ZNF48: variants seen among roughly 807,000 people sequenced by gnomAD.
ZNF48 encodes zinc finger protein 553.
Under a neutral mutation model 40.0 loss-of-function variants are expected in ZNF48, and 20 were observed. The observed-to-expected ratio is 0.50, with a 90% CI of 0.35 to 0.73. The LOEUF is 0.73. Ranked by LOEUF, ZNF48 falls within the 30% of genes least tolerant of loss-of-function variation. The pLI is 0.01. For missense variants in ZNF48, 726 were observed against 851.9 expected, an observed-to-expected ratio of 0.85 and a Z score of 1.84; for synonymous variants, 298 against 329.7, an observed-to-expected ratio of 0.90 and a Z score of 1.04.
rs1597022669 is a variant in ZNF48 at position 30,398,380 on chromosome 16, A to T, written c.1130A>T (p.His377Leu). 1 of 1,612,610 alleles carries T rather than the reference A, an allele frequency of 6.2e-7. No individual in the cohort carries two copies. The part of the protein sequence containing the change: ...TFSLSSTLLR[H>L]RLTHMEPQDF... ...AGCCTCAGCTCCACCCTTCTTCGCC[A>T]CCGCCTCACTCACATGGAGCCCCAG... Residue 377 changes from histidine to leucine, a missense_variant, in exon 3 of 3, where the codon CAC becomes CTC. Physicochemically the swap from His to Leu is moderately conservative, Grantham distance 99. Around this residue, in one of 5 missense-constraint regions of ZNF48, gnomAD observed 378 missense variants for 449.1 expected, o/e 0.84. Transcript: ENST00000613509. The surrounding 1 kb of genome is among the most constrained non-coding windows in gnomAD (Gnocchi z 6.6).
rs776876725 is a variant in ZNF48 at position 30,399,150 on chromosome 16, G to C, written c.*43G>C. ...GGAGGCCCAGGAGACCAAAGGGAGGGGCTCTGCCGCTTAGCAGAGAAGAAA... is the reference window on the plus strand; with the variant it reads ...GGAGGCCCAGGAGACCAAAGGGAGGCGCTCTGCCGCTTAGCAGAGAAGAAA... On this transcript the variant is annotated 3_prime_UTR_variant, in exon 3 of 3. Coordinates refer to ENST00000613509, the MANE Select transcript of ZNF48 (RefSeq NM_001214909.2). The C allele has an allele frequency of 5.3e-6, 8 of 1,508,178 alleles. No homozygotes were observed. The highest frequency in any genetic ancestry group is 2.1e-5 in the Admixed American group (1 of 47,384). 93.4% of individuals were successfully genotyped at this position (1,508,178 alleles called of 1,614,324 possible). A position where few individuals can be genotyped will look rare whatever the true frequency, so the allele number is the denominator to read the frequency against.
chr16:30,379,935 C>T (rs1254787160), intron 1 of ZNF48: 1 of 1,512,540 alleles, frequency 6.6e-7, no homozygotes, highest in South Asian at 1.1e-5. Context: ...CCCACACCTT[C>T]ATCTCTGCAT....
chr16:30,387,243 T>A (rs1303734517), intron 1 of ZNF48, among the ~76,000 whole-genome samples: 1 of 120,378 alleles, frequency 8.3e-6, no homozygotes, highest in Non-Finnish European at 1.7e-5. Context: ...GCGCCCGGCC[T>A]TTTTTTTTTT....
intron 1 of ZNF48, among the ~76,000 whole-genome samples, chr16:30,387,470 A>G (rs1337761432): frequency 4.8e-5 from 7 of 147,172 alleles, no homozygotes; most frequent in Non-Finnish European, 9.0e-5. Flanking sequence ...CAGGAGAATC[A>G]CTTGAACCCG....
chr16:30,392,995 C>T (rs2049953638), upstream of ZNF48, among the ~76,000 whole-genome samples: 2 of 152,176 alleles, frequency 1.3e-5, no homozygotes, highest in South Asian at 2.1e-4. Flanking sequence ...AACATCCATG[C>T]ATGCCAGGCA....
rs2050000041 is a variant in ZNF48, at chr16:30,397,645, G to A, written c.395G>A (p.Arg132Gln). ...RQMSDLVKHQ[R>Q]THTGEKPYKC... The stretch of plus-strand genomic sequence containing the variant: ...ATGTCAGATCTGGTGAAACACCAGC[G>A]GACCCACACAGGGGAGAAACCCTAC... Residue 132 changes from arginine to glutamine, a missense_variant, in exon 3 of 3, where the codon CGG (arginine) becomes CAG (glutamine). Coordinates refer to ENST00000613509, the MANE Select transcript of ZNF48 (RefSeq NM_001214909.2). This position sits in a 1 kb window ranked among gnomAD's most constrained non-coding sequence, Gnocchi z 4.1. 2 of 1,613,510 alleles carry A rather than the reference G, an allele frequency of 1.2e-6. No individual in the cohort carries two copies. Among genetic ancestry groups the A allele is most frequent in the Non-Finnish European group, 1.7e-6 (2 of 1,179,752 alleles).
chr16:30,389,281 C>T (rs1420746407), intron 1 of ZNF48, among the ~76,000 whole-genome samples: 1 of 151,644 alleles, frequency 6.6e-6, no homozygotes, highest in Non-Finnish European at 1.5e-5. Flanking sequence ...GTCCCAGCTA[C>T]TCGGGAGGCT....
intron 1 of ZNF48, among the ~76,000 whole-genome samples, chr16:30,386,998 A>C (rs2049905935): frequency 7.4e-6 from 1 of 135,636 alleles, no homozygotes; most frequent in South Asian, 2.4e-4. Context: ...GCCGGAGTGC[A>C]GTGGCACGAT....
chr16:30,395,363 G>A (rs2049971970), upstream of ZNF48: 1 of 451,476 alleles, frequency 2.2e-6, no homozygotes, highest in South Asian at 1.6e-5. This position sits in a 1 kb window ranked among gnomAD's most constrained non-coding sequence, Gnocchi z 5.9. Context: ...CCACAGGCCC[G>A]CAGCTCCTCC....
At chr16:30,386,768 G>A (rs1215258039) in intron 1 of ZNF48, among the ~76,000 whole-genome samples, 2 of 151,372 alleles carry the variant, frequency 1.3e-5, no homozygotes, top group African/African-American at 4.9e-5. Context: ...GGGTTCAAGT[G>A]ATTTTCCTGC....
Position 30,399,014 on chromosome 16 carries a change from G to A in ZNF48, c.1764G>A (p.Lys588=). 1 of 1,613,988 alleles carries A rather than the reference G, an allele frequency of 6.2e-7. No individual in the cohort carries two copies. Among genetic ancestry groups the A allele is most frequent in the Non-Finnish European group, 8.5e-7 (1 of 1,179,998 alleles). ...KGFGDSSARI[K]HQRGHLVLTP... The stretch of plus-strand genomic sequence containing the variant: ...TTGGTGACAGTTCTGCCCGCATCAA[G>A]CACCAGCGTGGGCACCTGGTCCTGA... Residue 588 remains lysine (K), a synonymous_variant, in exon 3 of 3, where the codon AAG becomes AAA. Coordinates refer to ENST00000613509, the MANE Select transcript of ZNF48 (RefSeq NM_001214909.2).
chr16:30,379,239 C>G lies in ZNF48; in HGVS notation c.-16+829C>G. On this transcript the variant is annotated intron_variant, in intron 1 of 2. Coordinates refer to the ZNF48 transcript ENST00000528032. Reference sequence around the variant, plus strand: ...GTCAGGGAGTTTCGGGTCCAACCCACCCGTAAGGGTCGGGTCTACAGGAAA... The same window carrying G: ...GTCAGGGAGTTTCGGGTCCAACCCAGCCGTAAGGGTCGGGTCTACAGGAAA... 2.5e-6 allele frequency: 4 copies of G among 1,600,618 alleles called. No homozygotes were observed. In the Admixed American group the frequency reaches 6.7e-5, roughly 27 times the overall value.
intron 1 of ZNF48, among the ~76,000 whole-genome samples, chr16:30,387,518 G>A (rs1333804242): frequency 1.3e-5 from 2 of 148,606 alleles, no homozygotes; most frequent in East Asian, 2.1e-4. Context: ...TCGCACCATC[G>A]CACTCCAGCC....
upstream of ZNF48, among the ~76,000 whole-genome samples, chr16:30,394,028 CTCTTT>C (rs908683604): frequency 2.0e-5 from 3 of 151,362 alleles, no homozygotes; most frequent in African/African-American, 7.3e-5. Context: ...CATTCTCTCT[CTCTTT>C]TTTTTTTTTT....
intron 1 of ZNF48, chr16:30,379,056 G>T (rs1313924819): frequency 6.2e-7 from 1 of 1,613,754 alleles, no homozygotes; most frequent in Non-Finnish European, 8.5e-7. Flanking sequence ...GCCGGGCCAG[G>T]CTCTGTAGGC....
chr16:30,384,903 G>A (rs2049888566), intron 1 of ZNF48, among the ~76,000 whole-genome samples: 1 of 151,830 alleles, frequency 6.6e-6, no homozygotes, highest in African/African-American at 2.4e-5. Flanking sequence ...TAGGCCAGGC[G>A]CGGTGGCTCA....
At chr16:30,384,148 G>A (rs2049880940) in intron 1 of ZNF48, among the ~76,000 whole-genome samples, 1 of 152,132 alleles carries the variant, frequency 6.6e-6, no homozygotes, top group Non-Finnish European at 1.5e-5. Context: ...CCAGGAGGTG[G>A]AGGTTGCAGT....
At chr16:30,392,412 G>A (rs1247604369), upstream of ZNF48, among the ~76,000 whole-genome samples, 1 of 151,830 alleles carries the variant, frequency 6.6e-6, no homozygotes, top group Non-Finnish European at 1.5e-5. Context: ...TCAGCCTCCC[G>A]AGGTGTTGGG....
At chr16:30,395,089 C>T (rs80225586), upstream of ZNF48, 13,095 of 388,980 alleles carry the variant, frequency 0.034, 330 homozygotes, top group Non-Finnish European at 0.049. This position sits in a 1 kb window ranked among gnomAD's most constrained non-coding sequence, Gnocchi z 5.9. Context: ...ACCCCTTTCC[C>T]CGGGTCCGTC....
Sources: gnomAD v4.1 joint callset for allele counts (sites outside exome capture counted in the v4.1 genomes callset) on GRCh38, gnomAD v4.1.1 for gene constraint, gnomAD v4.1.1 regional missense constraint, Gnocchi (gnomAD v3.1) non-coding constraint, MANE v1.5 for transcripts, NCBI Gene and HGNC (gene_info 2026-07-23, HGNC 2026-07-21) for gene names.